MAP4K1: variants seen among roughly 807,000 people sequenced by gnomAD.
The protein encoded by MAP4K1 is MAPK/ERK kinase kinase kinase 1.
A neutral mutation model predicts 122.8 loss-of-function variants in MAP4K1; 35 were observed. The ratio of observed to expected loss-of-function variants is 0.29; its 90% CI spans 0.22 to 0.38. The LOEUF is 0.38. Among genes scored for constraint, MAP4K1 ranks in the 10% least tolerant of loss-of-function variants. The pLI is 1.00. For missense variants in MAP4K1, 791 were observed against 1,072.6 expected (o/e 0.74, Z 3.67); for synonymous variants, 412 against 421.3 (o/e 0.98, Z 0.27).
At chr19:38,616,505 C>T (rs539247374) in intron 3 of MAP4K1, among the ~76,000 whole-genome samples, 13 of 152,176 alleles carry the variant, frequency 8.5e-5, no homozygotes, top group East Asian at 1.9e-4. Context: ...GGCCTTTGGG[C>T]GGGACCCCAC....
chr19:38,607,958 GC>G (rs1479400640), intron 15 of MAP4K1, 31 bp downstream of exon 15: 3 of 1,611,708 alleles, frequency 1.9e-6, no homozygotes, highest in Middle Eastern at 1.7e-4. Flanking sequence ...CCACATTCCA[GC>G]CCCCTCCCCA....
chr19:38,594,694 T>G (rs1974817319), intron 29 of MAP4K1, among the ~76,000 whole-genome samples: 1 of 151,522 alleles, frequency 6.6e-6, no homozygotes, highest in Non-Finnish European at 1.5e-5. Flanking sequence ...ATCCTAGCAC[T>G]TTGTGAGGCC....
chr19:38,602,785 C>CAT (rs1004316699), intron 19 of MAP4K1, among the ~76,000 whole-genome samples: 1 of 140,066 alleles, frequency 7.1e-6, no homozygotes, highest in African/African-American at 2.6e-5. Context: ...TACACATATA[C>CAT]ATATATACAC....
Position 38,613,878 on chromosome 19 carries a change from A to C in MAP4K1, c.533+2T>G. 1 of 1,605,364 alleles carries C rather than the reference A, an allele frequency of 6.2e-7. No individual in the cohort carries two copies. The highest frequency in any genetic ancestry group is 8.5e-7 in the Non-Finnish European group (1 of 1,176,382). ...CCTAGCTGCCCGCTGGGCGCCACTC[A>C]CCAGTAGGGTGTCCCAATGAAAGAG... is the stretch of plus-strand genomic sequence containing the variant. On this transcript the variant is annotated splice_donor_variant, in intron 8 of 30. Transcript: ENST00000396857. LOFTEE classifies it high-confidence loss of function.
intron 19 of MAP4K1, among the ~76,000 whole-genome samples, chr19:38,602,404 A>C (rs1400641135): frequency 1.4e-5 from 2 of 147,070 alleles, no homozygotes; most frequent in Non-Finnish European, 3.0e-5. Context: ...ATATACATAT[A>C]TATATAGACA....
At chr19:38,607,079 G>A (rs1483444970) in intron 16 of MAP4K1, among the ~76,000 whole-genome samples, 2 of 152,090 alleles carry the variant, frequency 1.3e-5, no homozygotes, top group Non-Finnish European at 2.9e-5. Context: ...GGGTGGGTCT[G>A]GGGTGAGAGT....
Position 38,617,571 on chromosome 19 carries a change from G to C in MAP4K1, c.154C>G (p.Pro52Ala), listed in dbSNP as rs749470097. 6.2e-7 allele frequency: 1 copy of C among 1,613,912 alleles called. No individual in the cohort carries two copies. Among genetic ancestry groups the C allele is most frequent in the Admixed American group, 1.7e-5 (1 of 59,972 alleles). ...LVALKMVKME[P>A]DDDVSTLQKE... ...GAGCTCCATGTTCCCTCCTCACCAG[G>C]CTCCATCTTCACCATCTTCAGTGCC... Residue 52 changes from proline to alanine, a missense_variant, in exon 2 of 31, where the codon CCT becomes GCT. This residue lies in a region of MAP4K1 where 163 missense variants were observed against 286.1 expected (regional missense o/e 0.57). Coordinates refer to ENST00000396857, the MANE Select transcript of MAP4K1 (RefSeq NM_001042600.3). The surrounding 1 kb of genome is among the most constrained non-coding windows in gnomAD (Gnocchi z 4.1).
Position 38,600,058 on chromosome 19 carries a change from G to A in MAP4K1, c.1608+19C>T. Reference sequence around the variant, plus strand: ...GACTCCGGCCCTTGCCCTTGCCCTGGCCCGGTATGGTTCCTCACCATTTCC... The same window carrying A: ...GACTCCGGCCCTTGCCCTTGCCCTGACCCGGTATGGTTCCTCACCATTTCC... On this transcript the variant is annotated intron_variant, in intron 21 of 30. Transcript: ENST00000396857. The A allele has an allele frequency of 6.2e-7, 1 of 1,614,156 alleles. No homozygotes were observed. The highest frequency in any genetic ancestry group is 2.2e-5 in the East Asian group (1 of 44,878).
chr19:38,592,867 A>G (rs1321667911), intron 30 of MAP4K1, among the ~76,000 whole-genome samples: 1 of 152,136 alleles, frequency 6.6e-6, no homozygotes, highest in South Asian at 2.1e-4. Flanking sequence ...CAGTGAACCA[A>G]GATCACACCA....
intron 30 of MAP4K1, among the ~76,000 whole-genome samples, chr19:38,591,966 G>A (rs144131540): frequency 1.0e-3 from 146 of 142,124 alleles, no homozygotes; most frequent in Middle Eastern, 7.2e-3. Context: ...GCAAGAATCC[G>A]TCTCAAAAAA....
chr19:38,605,403 C>A lies in MAP4K1; in HGVS notation c.1446+6G>T. 6.4e-7 allele frequency: 1 copy of A among 1,553,964 alleles called. No homozygotes were observed. The highest frequency in any genetic ancestry group is 8.7e-7 in the Non-Finnish European group (1 of 1,146,808). On this transcript the variant is annotated splice_donor_region_variant and intron_variant, in intron 19 of 30. Coordinates refer to ENST00000396857, the MANE Select transcript of MAP4K1 (RefSeq NM_001042600.3). ...GGTGTAAGTCCTCAGCAGAGCTGAA[C>A]CTCACCTTTCTCTTCATCTTTTCCT...
chr19:38,591,878 G>A lies in MAP4K1; in HGVS notation c.2396+1404C>T, dbSNP rs533947915. On this transcript the variant is annotated intron_variant, in intron 30 of 30. Coordinates refer to ENST00000396857, the MANE Select transcript of MAP4K1 (RefSeq NM_001042600.3). ...CCCAGTTACTCGGGAGGCTGAGGCAGGAGAATCGCGTGAACCCAGTGGGTG... is the reference window on the plus strand; with the variant it reads ...CCCAGTTACTCGGGAGGCTGAGGCAAGAGAATCGCGTGAACCCAGTGGGTG... Among the ~76,000 whole-genome samples, 16 of 152,004 alleles carry A rather than the reference G, an allele frequency of 1.1e-4. No individual in the cohort carries two copies. The East Asian group carries it at 3.1e-3, about 29-fold the overall frequency.
chr19:38,605,460 C>T lies in MAP4K1; in HGVS notation c.1395G>A (p.Glu465=), dbSNP rs1221348288. The change falls in exon 19 of 31, where the codon GAG becomes GAA. Residue 465 remains glutamate, a synonymous_variant. Coordinates refer to ENST00000396857, the MANE Select transcript of MAP4K1 (RefSeq NM_001042600.3). ...GGGGCAGAAGTGGGGGCTTGTCAAG[C>T]TCCCGGGAGGGTGGGTTCCAGAGTG... ...EPSLWNPPSR[E]LDKPPLLPPK... is the part of the protein sequence containing the mutation. 6.3e-7 allele frequency: 1 copy of T among 1,598,470 alleles called. No individual in the cohort carries two copies. The highest frequency in any genetic ancestry group is 8.5e-7 in the Non-Finnish European group (1 of 1,173,926).
chr19:38,610,851 C>G (rs901392379), intron 11 of MAP4K1, among the ~76,000 whole-genome samples, 200 bp downstream of exon 11: 2 of 151,854 alleles, frequency 1.3e-5, no homozygotes, highest in African/African-American at 4.8e-5. Context: ...TCAGTTCCGG[C>G]AACTCGGGGT....
In MAP4K1 at chr19:38,613,884, A is replaced by C; in HGVS notation, c.529T>G (p.Tyr177Asp). 6.2e-7 allele frequency: 1 copy of C among 1,608,452 alleles called. No individual in the cohort carries two copies. Among genetic ancestry groups the C allele is most frequent in the Non-Finnish European group, 8.5e-7 (1 of 1,177,736 alleles). ...ARRLSFIGTP[Y>D]WMAPEVAAVA... is the part of the protein sequence containing the mutation. ...TGCCCGCTGGGCGCCACTCACCAGT[A>C]GGGTGTCCCAATGAAAGAGAGGCGT... The change falls in exon 8 of 31, where the codon TAC becomes GAC. Residue 177 changes from tyrosine (Y) to aspartate (D), a missense_variant. Tyr to Asp is a radical substitution (Grantham distance 160). This residue lies in a region of MAP4K1 where 163 missense variants were observed against 286.1 expected (regional missense o/e 0.57). Transcript: ENST00000396857.
chr19:38,609,734 C>A, intron 12 of MAP4K1, 60 bp from the exon 13 acceptor site: 1 of 1,474,198 alleles, frequency 6.8e-7, no homozygotes, highest in East Asian at 2.3e-5. Context: ...CTACCCTGCC[C>A]GGGGTCCATC....
intron 17 of MAP4K1, 112 bp downstream of exon 17, chr19:38,606,061 C>A: frequency 1.2e-6 from 1 of 828,474 alleles, no homozygotes; most frequent in South Asian, 1.6e-5. Context: ...TCATCCTGGT[C>A]TCCCCAATTC....
intron 16 of MAP4K1, 73 bp from the exon 17 acceptor site, chr19:38,606,288 G>A: frequency 1.4e-6 from 1 of 730,820 alleles, no homozygotes. Flanking sequence ...CATGGTTCTG[G>A]GCTGGAGGCC....
At chr19:38,606,065 C>T in intron 17 of MAP4K1, 108 bp downstream of exon 17, 1 of 882,992 alleles carries the variant, frequency 1.1e-6, no homozygotes, top group Admixed American at 2.5e-5. Context: ...CCTGGTCTCC[C>T]CAATTCCCTG....
Sources: gnomAD v4.1 joint callset for allele counts (sites outside exome capture counted in the v4.1 genomes callset) on GRCh38, gnomAD v4.1.1 for gene constraint, gnomAD v4.1.1 regional missense constraint, Gnocchi (gnomAD v3.1) non-coding constraint, MANE v1.5 for transcripts, NCBI Gene and HGNC (gene_info 2026-07-23, HGNC 2026-07-21) for gene names.